Variants in PDE6A observed in about 807,000 individuals in gnomAD.
PDE6A encodes phosphodiesterase 6A, also known as rod cGMP-specific 3',5'-cyclic phosphodiesterase subunit alpha.
In PDE6A, 84 loss-of-function variants were observed where a neutral mutation model predicts 106.3. That is an observed-to-expected ratio of 0.79 (90% CI 0.66 to 0.95). The LOEUF (loss-of-function observed/expected upper bound fraction) is 0.95, where lower values mean the gene tolerates loss of function less well. Among genes scored for constraint, PDE6A ranks in the 40% least tolerant of loss-of-function variants. The pLI is 0.00. For synonymous variants in PDE6A, 394 were observed against 386.6 expected (o/e 1.02, Z -0.23); for missense variants, 1,052 against 1,084.9 (o/e 0.97, Z 0.43).
intron 17 of PDE6A, among the ~76,000 whole-genome samples, chr5:149,875,926 C>T (rs543510969): frequency 1.3e-5 from 2 of 152,298 alleles, no homozygotes; most frequent in African/African-American, 4.8e-5. Context: ...GACTTCCCCA[C>T]AGAATTTTAT....
intron 3 of PDE6A, among the ~76,000 whole-genome samples, chr5:149,933,048 A>G (rs1754089041): frequency 1.3e-5 from 2 of 152,238 alleles, no homozygotes; most frequent in South Asian, 2.1e-4. Flanking sequence ...GCTGGAGTAC[A>G]GTAGCACGAT....
At position 149,944,186 on chromosome 5, in the gene PDE6A, G is replaced by A. The variant is rs923955963; in HGVS notation, c.474+14C>T. On this transcript the variant is annotated intron_variant, in intron 1 of 21. Transcript: ENST00000255266. ...TAATGCCCCATGCCCTCTCTCTCAT[G>A]GGGAAGAGAGTACCTCCTCTGTGTT... The A allele has an allele frequency of 1.3e-6, 2 of 1,595,362 alleles. No individual in the cohort carries two copies. The highest frequency in any genetic ancestry group is 2.7e-5 in the African/African-American group (2 of 74,468).
intron 10 of PDE6A, 55 bp downstream of exon 10, chr5:149,898,308 C>T: frequency 6.3e-7 from 1 of 1,578,252 alleles, no homozygotes; most frequent in Admixed American, 1.7e-5. Flanking sequence ...AATCTGGCCA[C>T]ATCTCTGAGA....
intron 17 of PDE6A, among the ~76,000 whole-genome samples, chr5:149,870,792 ACTGTCATCAC>A: frequency 2.0e-5 from 3 of 147,092 alleles, no homozygotes. Flanking sequence ...AAAAAAAAAA[ACTGTCATCAC>A]AATATGCTAA....
intron 1 of PDE6A, among the ~76,000 whole-genome samples, chr5:149,938,515 G>A (rs1190276349): frequency 6.6e-6 from 1 of 152,194 alleles, no homozygotes. Context: ...TGGGCTAGGT[G>A]CCAGGGGCCA....
chr5:149,916,514 C>CTT (rs1753558356), intron 5 of PDE6A, among the ~76,000 whole-genome samples: 1 of 152,074 alleles, frequency 6.6e-6, no homozygotes, highest in African/African-American at 2.4e-5. Flanking sequence ...GTTTCATGAC[C>CTT]CCAAACTAAC....
chr5:149,938,542 A>T (rs376170820), intron 1 of PDE6A, among the ~76,000 whole-genome samples: 17 of 152,224 alleles, frequency 1.1e-4, no homozygotes, highest in East Asian at 7.7e-4. Context: ...AATAAGATCG[A>T]CAGGGACAGA....
intron 11 of PDE6A, 58 bp from the exon 12 acceptor site, chr5:149,896,560 C>A (rs1213940360): frequency 7.4e-6 from 12 of 1,613,984 alleles, no homozygotes; most frequent in Admixed American, 1.7e-5. Context: ...GGGTGCCCAC[C>A]TCCTGTCCAG....
intron 3 of PDE6A, chr5:149,932,117 T>G (rs879041550): frequency 6.3e-6 from 8 of 1,265,660 alleles, no homozygotes; most frequent in African/African-American, 1.4e-5. Flanking sequence ...CCGGAAGTTG[T>G]AGACGTCTAT....
At chr5:149,861,128 A>G (rs1384996153) in intron 21 of PDE6A, among the ~76,000 whole-genome samples, 157 bp from the exon 22 acceptor site, 1 of 146,064 alleles carries the variant, frequency 6.8e-6, no homozygotes, top group Non-Finnish European at 1.6e-5. Flanking sequence ...GAGGAGAATC[A>G]CGGAAACAGA....
intron 4 of PDE6A, among the ~76,000 whole-genome samples, chr5:149,924,574 G>A (rs1753821758): frequency 6.6e-6 from 1 of 151,994 alleles, no homozygotes; most frequent in African/African-American, 2.4e-5. Flanking sequence ...AATCCATATG[G>A]ACTACAAAAC....
chr5:149,865,158 T>A (rs770367772), intron 20 of PDE6A, among the ~76,000 whole-genome samples: 1 of 150,520 alleles, frequency 6.6e-6, no homozygotes, highest in Non-Finnish European at 1.5e-5. Flanking sequence ...GAGAATTTCT[T>A]GAACCTGGGA....
At chr5:149,925,391 T>C (rs1561775381) in intron 4 of PDE6A, among the ~76,000 whole-genome samples, 1 of 152,152 alleles carries the variant, frequency 6.6e-6, no homozygotes, top group Non-Finnish European at 1.5e-5. Context: ...AACTCAATAG[T>C]TTAACAGTCA....
chr5:149,910,908 C>T (rs1179774274), intron 6 of PDE6A, among the ~76,000 whole-genome samples: 2 of 92,540 alleles, frequency 2.2e-5, no homozygotes, highest in Non-Finnish European at 2.0e-5. Context: ...GAGACAGGGT[C>T]TCACTCTGTC....
chr5:149,872,248 A>G (rs763925827), intron 17 of PDE6A, among the ~76,000 whole-genome samples: 2 of 152,156 alleles, frequency 1.3e-5, no homozygotes, highest in Non-Finnish European at 2.9e-5. Context: ...AAAATGAGAT[A>G]TTCATGTTAG....
chr5:149,944,344 G>A lies in PDE6A; in HGVS notation c.330C>T (p.Thr110=), dbSNP rs1754407468. 1 of 1,614,038 alleles carries A rather than the reference G, an allele frequency of 6.2e-7. No homozygotes were observed. Among genetic ancestry groups the A allele is most frequent in the Non-Finnish European group, 8.5e-7 (1 of 1,179,986 alleles). Residue 110 remains threonine (T), a synonymous_variant, in exon 1 of 22, where the codon ACC becomes ACT. Transcript: ENST00000255266. Reference sequence around the variant, plus strand: ...CATCCTTGTGGACATTGAAAAGCCTGGTGGCCAGCTCTGCGATGCCATTGC... The same window carrying A: ...CATCCTTGTGGACATTGAAAAGCCTAGTGGCCAGCTCTGCGATGCCATTGC... ...RTRNGIAELA[T]RLFNVHKDAV... is the part of the protein sequence containing the mutation.
intron 21 of PDE6A, 48 bp from the exon 22 acceptor site, chr5:149,861,019 G>A: frequency 6.5e-7 from 1 of 1,549,056 alleles, no homozygotes. Context: ...AGAGGCTGCA[G>A]TGGGCTTCCC....
intron 1 of PDE6A, 103 bp downstream of exon 1, chr5:149,944,097 G>T (rs773297104): frequency 8.6e-6 from 7 of 813,962 alleles, no homozygotes; most frequent in Non-Finnish European, 1.5e-5. Flanking sequence ...GCACCATGTT[G>T]TCACCAGCCT....
At chr5:149,880,617 G>A (rs559119628) in intron 17 of PDE6A, among the ~76,000 whole-genome samples, 4 of 152,024 alleles carry the variant, frequency 2.6e-5, no homozygotes, top group Non-Finnish European at 4.4e-5. Context: ...GGAGGCTGAG[G>A]CAGGAGAAGC....
Sources: allele counts gnomAD v4.1 joint callset (sites outside exome capture counted in the v4.1 genomes callset), GRCh38; gene constraint gnomAD v4.1.1; transcripts MANE v1.5; gene names NCBI Gene and HGNC (gene_info 2026-07-23, HGNC 2026-07-21).